DPP6: variants seen among roughly 807,000 people sequenced by gnomAD.
DPP6 encodes the protein A-type potassium channel modulatory protein DPP6.
In DPP6, 69 loss-of-function variants were observed where a neutral mutation model predicts 122.6. That is an observed-to-expected ratio of 0.56 (90% CI 0.46 to 0.69). DPP6 has a LOEUF of 0.69. Ranked by LOEUF, DPP6 falls within the 30% of genes least tolerant of loss-of-function variation. The pLI is 0.00. For missense variants in DPP6, 928 were observed against 1,116.9 expected, an observed-to-expected ratio of 0.83 and a Z score of 2.41; for synonymous variants, 418 against 433.1, an observed-to-expected ratio of 0.97 and a Z score of 0.43.
chr7:154,002,386 C>T (rs1324034949), intron 1 of DPP6, among the ~76,000 whole-genome samples: 1 of 152,154 alleles, frequency 6.6e-6, no homozygotes, highest in Non-Finnish European at 1.5e-5. Context: ...TGCTACATTG[C>T]CAGAAAGGTC....
rs1379020132 is a variant in DPP6 at position 154,892,416 on chromosome 7, A to G, written c.2534A>G (p.Glu845Gly). ...CGGTCCATCATCAACTTCTTCGTGG[A>G]ATGCTTCAGGATCCAGGACAAACTG... ...LYRSIINFFV[E>G]CFRIQDKLLT... Residue 845 changes from glutamate (E) to glycine (G), a missense_variant, in exon 26 of 26, where the codon GAA (glutamate) becomes GGA (glycine). Physicochemically the swap from Glu to Gly is moderately conservative, Grantham distance 98. Transcript: ENST00000377770. 1 of 1,614,012 alleles carries G rather than the reference A, an allele frequency of 6.2e-7. No individual in the cohort carries two copies. Among genetic ancestry groups the G allele is most frequent in the Admixed American group, 1.7e-5 (1 of 60,030 alleles).
chr7:154,677,651 G>A (rs870253), intron 7 of DPP6, among the ~76,000 whole-genome samples: 18,191 of 152,240 alleles, frequency 0.12, 1,111 homozygotes, highest in East Asian at 0.15. Context: ...GCGTCTGCAC[G>A]GGGAGGAGCG....
the DPP6 span, among the ~76,000 whole-genome samples, chr7:153,790,354 A>AT: frequency 0.44 from 67,096 of 151,932 alleles, 15,058 homozygotes; most frequent in South Asian, 0.54. Flanking sequence ...TCAGTAACTA[A>AT]TTTTTATAAA....
At chr7:154,585,629 G>A (rs145892344) in intron 5 of DPP6, among the ~76,000 whole-genome samples, 3 of 152,260 alleles carry the variant, frequency 2.0e-5, no homozygotes, top group East Asian at 1.9e-4. Context: ...ACATCCTTCC[G>A]TGTACTTGAA....
rs1162034990 is a variant in DPP6, at chr7:153,976,114, G to GA, written c.51+88382dup. On this transcript the variant is annotated intron_variant, in intron 1 of 25. Transcript: ENST00000404039. ...GACTTGGACATGAACTGGGAAGGGT[G>GA]AAGGGGAGGGTGAACTGCAAACCTG... 4.6e-5 allele frequency among the ~76,000 whole-genome samples: 7 copies of GA among 152,266 alleles called. No individual in the cohort carries two copies. In the South Asian group the frequency reaches 1.5e-3, roughly 32 times the overall value.
intron 2 of DPP6, among the ~76,000 whole-genome samples, chr7:154,461,162 C>T (rs533813096): frequency 6.6e-6 from 1 of 152,298 alleles, no homozygotes; most frequent in South Asian, 2.1e-4. Context: ...TAATGACCTC[C>T]AGTTTCATTC....
At chr7:153,873,232 G>C in the DPP6 span, among the ~76,000 whole-genome samples, 1 of 152,146 alleles carries the variant, frequency 6.6e-6, no homozygotes, top group African/African-American at 2.4e-5. Context: ...CACCAAGGAG[G>C]GCATCAATCT....
intron 1 of DPP6, among the ~76,000 whole-genome samples, chr7:153,988,928 T>G (rs1585138013): frequency 2.0e-5 from 3 of 148,276 alleles, no homozygotes; most frequent in South Asian, 4.3e-4. Context: ...GCGCCGGGAG[T>G]GGTGGGAAGG....
the DPP6 span, among the ~76,000 whole-genome samples, chr7:153,807,326 C>T: frequency 6.6e-5 from 10 of 151,630 alleles, no homozygotes; most frequent in African/African-American, 1.9e-4. Flanking sequence ...TCGCTTGAAC[C>T]AGGGAGGTGG....
intron 7 of DPP6, among the ~76,000 whole-genome samples, chr7:154,724,464 A>C (rs568628479): frequency 6.6e-6 from 1 of 152,318 alleles, no homozygotes; most frequent in Admixed American, 6.5e-5. Context: ...AGTGCTCCTC[A>C]GATGATAGCA....
At position 153,959,536 on chromosome 7, in the gene DPP6, G is replaced by A. The variant is rs1645645074; in HGVS notation, c.51+71802G>A. Among the ~76,000 whole-genome samples, 2 of 152,228 alleles carry A rather than the reference G, an allele frequency of 1.3e-5. 1 individual carries two copies. Among genetic ancestry groups the A allele is most frequent in the South Asian group, 4.1e-4 (2 of 4,830 alleles). ...CCATCAGCACTTGCTGCTTCACCTTGCACTATGTTATGGAGATGGTTTTGC... is the reference window on the plus strand; with the variant it reads ...CCATCAGCACTTGCTGCTTCACCTTACACTATGTTATGGAGATGGTTTTGC... On this transcript the variant is annotated intron_variant, in intron 1 of 25. Coordinates refer to the DPP6 transcript ENST00000404039.
chr7:154,465,755 G>A (rs1821727013), intron 2 of DPP6, among the ~76,000 whole-genome samples: 1 of 152,136 alleles, frequency 6.6e-6, no homozygotes, highest in Non-Finnish European at 1.5e-5. Context: ...TTGCACTGTT[G>A]GTGGGAATGT....
At chr7:154,859,049 G>C (rs563481393) in intron 17 of DPP6, among the ~76,000 whole-genome samples, 1 of 152,150 alleles carries the variant, frequency 6.6e-6, no homozygotes, top group African/African-American at 2.4e-5. Flanking sequence ...GTCTGACAAG[G>C]GGGGAAAGGC....
chr7:154,404,211 A>G (rs903867265), intron 1 of DPP6, among the ~76,000 whole-genome samples: 2 of 152,228 alleles, frequency 1.3e-5, no homozygotes, highest in African/African-American at 2.4e-5. Context: ...CTCCCTCTGC[A>G]TAGGACTGTA....
chr7:154,650,492 C>T (rs1451723573), intron 6 of DPP6, among the ~76,000 whole-genome samples: 2 of 152,152 alleles, frequency 1.3e-5, no homozygotes, highest in African/African-American at 4.8e-5. Flanking sequence ...GCCTAACTTC[C>T]GACATTGGGG....
intron 16 of DPP6, among the ~76,000 whole-genome samples, chr7:154,813,366 A>T (rs1799195895): frequency 6.6e-6 from 1 of 152,106 alleles, no homozygotes; most frequent in Non-Finnish European, 1.5e-5. Context: ...TACAGGCATG[A>T]GCCACCGTGC....
At chr7:154,243,591 T>C (rs141214938) in intron 1 of DPP6, among the ~76,000 whole-genome samples, 27,082 of 151,898 alleles carry the variant, frequency 0.18, 2,707 homozygotes, top group Non-Finnish European at 0.22. Flanking sequence ...GTCAGGAGAT[T>C]GAGACCATCC....
Position 154,053,077 on chromosome 7 carries a change from G to A in DPP6, c.243+14G>A, listed in dbSNP as rs1292191401. On this transcript the variant is annotated intron_variant, in intron 1 of 25. Transcript: ENST00000377770. ...GACGAGGAGGACGTAAGAGCTTCTC[G>A]GGGGCGGGGGGCGGCGGCGGGTTCT... 20 of 998,180 alleles carry A rather than the reference G, an allele frequency of 2.0e-5. No individual in the cohort carries two copies. Among genetic ancestry groups the A allele is most frequent in the Non-Finnish European group, 2.2e-5 (19 of 849,986 alleles). 61.8% of individuals were successfully genotyped at this position (998,180 alleles called of 1,614,324 possible). A position where few individuals can be genotyped will look rare whatever the true frequency, so the allele number is the denominator to read the frequency against.
chr7:153,765,366 A>AC, the DPP6 span, among the ~76,000 whole-genome samples: 67,041 of 151,164 alleles, frequency 0.44, 15,169 homozygotes, highest in South Asian at 0.54. Flanking sequence ...ATATGGTGAA[A>AC]CCTGTCTCTA....
Sources: gnomAD v4.1 joint callset for allele counts (sites outside exome capture counted in the v4.1 genomes callset) on GRCh38, gnomAD v4.1.1 for gene constraint, MANE v1.5 for transcripts, NCBI Gene and HGNC (gene_info 2026-07-23, HGNC 2026-07-21) for gene names.